SIAE: variants seen among roughly 807,000 people sequenced by gnomAD.
SIAE encodes sialic acid acetylesterase, also known as sialate O-acetylesterase.
Under a neutral mutation model 52.6 loss-of-function variants are expected in SIAE, and 39 were observed. That is an observed-to-expected ratio of 0.74 (90% CI 0.57 to 0.97). The LOEUF (loss-of-function observed/expected upper bound fraction) is 0.97, where lower values mean the gene tolerates loss of function less well. Among genes scored for constraint, SIAE ranks in the 50% least tolerant of loss-of-function variants. The pLI, the probability that SIAE is intolerant of heterozygous loss-of-function variation, is 0.00. For synonymous variants in SIAE, 233 were observed against 241.4 expected (o/e 0.97, Z 0.32); for missense variants, 592 against 662.1 (o/e 0.89, Z 1.16).
chr11:124,668,586 C>T (rs1943303393), intron 2 of SIAE, among the ~76,000 whole-genome samples: 1 of 152,188 alleles, frequency 6.6e-6, no homozygotes. Context: ...AAGTCTTTAC[C>T]AGTGTTAATT....
At chr11:124,668,993 C>T (rs1351521505) in intron 2 of SIAE, among the ~76,000 whole-genome samples, 1 of 152,182 alleles carries the variant, frequency 6.6e-6, no homozygotes, top group African/African-American at 2.4e-5. Context: ...TGATTCAGCT[C>T]AAATACCATC....
chr11:124,674,166 A>G (rs1228096314), upstream of SIAE: 55 of 162,474 alleles, frequency 3.4e-4, no homozygotes, highest in East Asian at 9.7e-3. Flanking sequence ...CTCTGCCCAC[A>G]TTGGTTCAGA....
chr11:124,659,560 GGA>G (rs1356567482), intron 3 of SIAE: 1 of 145,438 alleles, frequency 6.9e-6, no homozygotes, highest in Non-Finnish European at 1.5e-5. Flanking sequence ...CTTGAGCCCA[GGA>G]GTTCTAGGCT....
At chr11:124,652,711 A>G (rs11219742) in intron 4 of SIAE, among the ~76,000 whole-genome samples, 112 of 145,646 alleles carry the variant, frequency 7.7e-4, no homozygotes, top group East Asian at 2.2e-3. Context: ...AAAAAAAAAA[A>G]GGGGGAAGAG....
chr11:124,633,870 G>A lies in SIAE; in HGVS notation c.*3081C>T, dbSNP rs576287639. ...CACTATTACAGCCTGAGTAATACCC[G>A]TATTAAAAGAGCCTCATTTTAGAAA... On this transcript the variant is annotated 3_prime_UTR_variant, in exon 10 of 10. Coordinates refer to ENST00000263593, the MANE Select transcript of SIAE (RefSeq NM_170601.5). The A allele has an allele frequency of 1.3e-5, 2 of 152,136 alleles. No individual in the cohort carries two copies. The highest frequency in any genetic ancestry group is 2.1e-4 in the South Asian group (1 of 4,820). The allele number at this position is 152,136 out of a possible 1,614,324, so 9.4% of individuals were successfully genotyped here.
chr11:124,652,607 T>A (rs1943032504), intron 4 of SIAE, among the ~76,000 whole-genome samples: 1 of 148,046 alleles, frequency 6.8e-6, no homozygotes, highest in Non-Finnish European at 1.5e-5. Context: ...GGCAGAAGAA[T>A]CACTTGAAGC....
chr11:124,657,575 A>G (rs1368825641), intron 3 of SIAE, among the ~76,000 whole-genome samples: 4 of 152,270 alleles, frequency 2.6e-5, no homozygotes, highest in African/African-American at 9.6e-5. Context: ...AGGCCAATAG[A>G]GTCAGAATGG....
rs186808961 is a variant in SIAE at position 124,666,170 on chromosome 11, C to A, written c.229+3190G>T. Among the ~76,000 whole-genome samples, 207 of 152,300 alleles carry A rather than the reference C, an allele frequency of 1.4e-3. 1 individual carries two copies. Among genetic ancestry groups the A allele is most frequent in the Admixed American group, 5.2e-3 (80 of 15,296 alleles). ...TTCCCAATGTCTAAGTGTCAGTCTG[C>A]TGGACAAAAACCTTTATGCTGTTAT... On this transcript the variant is annotated intron_variant, in intron 2 of 9. Coordinates refer to ENST00000263593, the MANE Select transcript of SIAE (RefSeq NM_170601.5).
At chr11:124,673,490 G>T in intron 1 of SIAE, 152 bp downstream of exon 1, 1 of 835,550 alleles carries the variant, frequency 1.2e-6, no homozygotes, top group Non-Finnish European at 1.9e-6. Context: ...CCTGCAGACC[G>T]GGCCTCGGTC....
At chr11:124,655,653 C>T (rs1943087572) in intron 3 of SIAE, among the ~76,000 whole-genome samples, 4 of 152,084 alleles carry the variant, frequency 2.6e-5, no homozygotes, top group Admixed American at 2.6e-4. Context: ...TGGAATAAGT[C>T]TCAAAATGCA....
Position 124,667,518 on chromosome 11 carries a change from C to T in SIAE, c.229+1842G>A, listed in dbSNP as rs143181525. ...AGACTGCATCAGGGTCTGGATCACT[C>T]GGGATTGGATCATCAGTTTTGTATA... On this transcript the variant is annotated intron_variant, in intron 2 of 9. Transcript: ENST00000263593. Among the ~76,000 whole-genome samples, 7 of 152,314 alleles carry T rather than the reference C, an allele frequency of 4.6e-5. No homozygotes were observed. In the East Asian group the frequency reaches 7.7e-4, roughly 17 times the overall value.
upstream of SIAE, chr11:124,674,120 C>G: frequency 4.5e-6 from 1 of 224,478 alleles, no homozygotes; most frequent in Non-Finnish European, 9.0e-6. Context: ...ACATCCCGCC[C>G]CCGACTAGAC....
intron 6 of SIAE, 75 bp downstream of exon 6, chr11:124,647,991 A>G: frequency 1.8e-6 from 2 of 1,130,552 alleles, no homozygotes; most frequent in South Asian, 2.5e-5. Flanking sequence ...GCTTTAAGCC[A>G]CTACGTTCTA....
In SIAE at chr11:124,649,785, G is replaced by A. The variant is rs764037284; in HGVS notation, c.556C>T (p.His186Tyr). ...GCTGACATGTACTTGAAATATCCAT[G>A]GCCTAAGTTTTCTGTTCAGAGAAAT... is the stretch of plus-strand genomic sequence containing the variant. ...WSKPTSENLG[H>Y]GYFKYMSAVC... is the part of the protein sequence containing the mutation. Residue 186 changes from histidine (H) to tyrosine (Y), a missense_variant, in exon 5 of 10, where the codon CAT becomes TAT. Transcript: ENST00000263593. 7.6e-5 allele frequency: 122 copies of A among 1,613,998 alleles called. No individual in the cohort carries two copies. Among genetic ancestry groups the A allele is most frequent in the Non-Finnish European group, 1.0e-4 (118 of 1,180,006 alleles).
intron 7 of SIAE, among the ~76,000 whole-genome samples, chr11:124,640,341 C>T (rs1302458896): frequency 6.6e-6 from 1 of 152,136 alleles, no homozygotes; most frequent in Non-Finnish European, 1.5e-5. Flanking sequence ...TTCCAGCAAT[C>T]ACAGATAAGG....
At chr11:124,661,592 C>T (rs1483787639) in intron 2 of SIAE, among the ~76,000 whole-genome samples, 1 of 152,038 alleles carries the variant, frequency 6.6e-6, no homozygotes, top group Non-Finnish European at 1.5e-5. Context: ...ACCAGACCAC[C>T]CCTGCCAACA....
Position 124,639,801 on chromosome 11 carries a change from C to A in SIAE, c.1033G>T (p.Ala345Ser). Residue 345 changes from alanine (A) to serine (S), a missense_variant, in exon 8 of 10, where the codon GCA (alanine) becomes TCA (serine). Physicochemically the swap from Ala to Ser is moderately conservative, Grantham distance 99 (BLOSUM62 1). Transcript: ENST00000263593. ...GGGTTGGGGACATAGCCGAAGTCTG[C>A]TGTTTGATGCCAACGGATCTGGGGA... ...GFPQIRWHQT[A>S]DFGYVPNPKM... The A allele has an allele frequency of 2.5e-6, 4 of 1,614,224 alleles. No homozygotes were observed. The highest frequency in any genetic ancestry group is 3.4e-6 in the Non-Finnish European group (4 of 1,180,038).
rs549057781 is a variant in SIAE at position 124,670,081 on chromosome 11, T to G, written c.68-560A>C. Among the ~76,000 whole-genome samples, 50 of 152,336 alleles carry G rather than the reference T, an allele frequency of 3.3e-4. No homozygotes were observed. The highest frequency in any genetic ancestry group is 1.1e-3 in the African/African-American group (47 of 41,584). On this transcript the variant is annotated intron_variant, in intron 1 of 9. Transcript: ENST00000263593. This position sits in a 1 kb window ranked among gnomAD's most constrained non-coding sequence, Gnocchi z 4.5. ...CAAATAATGCCCCTTATCATGGTTT[T>G]TTGACAACCCAGTGTACTGCATCAA...
rs746914032 is a variant in SIAE at position 124,648,102 on chromosome 11, A to G, written c.796T>C (p.Cys266Arg). ...VLWNAMIHPLCNMTLKGVVWY... is the reference protein window; with the variant it reads ...VLWNAMIHPLRNMTLKGVVWY... Reference sequence around the variant, plus strand: ...ACTACCCCTTTCAGAGTCATATTGCACAGTGGATGGATCATGGCATTCCAG... The same window carrying G: ...ACTACCCCTTTCAGAGTCATATTGCGCAGTGGATGGATCATGGCATTCCAG... Residue 266 changes from cysteine (C) to arginine (R), a missense_variant, in exon 6 of 10, where the codon TGC (cysteine) becomes CGC (arginine). Physicochemically the swap from Cys to Arg is radical, Grantham distance 180. Coordinates refer to ENST00000263593, the MANE Select transcript of SIAE (RefSeq NM_170601.5). The G allele has an allele frequency of 6.2e-7, 1 of 1,614,044 alleles. No homozygotes were observed. Among genetic ancestry groups the G allele is most frequent in the Non-Finnish European group, 8.5e-7 (1 of 1,179,990 alleles).
Sources: allele counts gnomAD v4.1 joint callset (sites outside exome capture counted in the v4.1 genomes callset), GRCh38; gene constraint gnomAD v4.1.1; non-coding constraint Gnocchi (gnomAD v3.1); transcripts MANE v1.5; gene names NCBI Gene and HGNC (gene_info 2026-07-23, HGNC 2026-07-21).